The following GALNT17 variants were observed in gnomAD, a reference collection of about 807,000 sequenced individuals.
GALNT17 encodes the protein UDP-GalNAc:polypeptide N-acetylgalactosaminyltransferase-like 3.
A neutral mutation model predicts 63.7 loss-of-function variants in GALNT17; 29 were observed. The observed-to-expected ratio is 0.46, with a 90% CI of 0.34 to 0.62. GALNT17 has a LOEUF of 0.62. Among genes scored for constraint, GALNT17 ranks in the 20% least tolerant of loss-of-function variants. The pLI, the probability that GALNT17 is intolerant of heterozygous loss-of-function variation, is 0.01. For synonymous variants in GALNT17, 305 were observed against 318.3 expected, an observed-to-expected ratio of 0.96 and a Z score of 0.45; for missense variants, 603 against 799.6, an observed-to-expected ratio of 0.75 and a Z score of 2.97.
intron 1 of GALNT17, among the ~76,000 whole-genome samples, chr7:71,271,274 C>T (rs1284446541): frequency 1.3e-5 from 2 of 152,196 alleles, no homozygotes; most frequent in Admixed American, 6.5e-5. Flanking sequence ...TCCTGTCACG[C>T]GCCTTCCAGT....
chr7:71,199,480 C>T (rs1253539181), intron 1 of GALNT17, among the ~76,000 whole-genome samples: 4 of 152,094 alleles, frequency 2.6e-5, no homozygotes, highest in Non-Finnish European at 5.9e-5. Flanking sequence ...CTCTGTCCCA[C>T]TCATCCATCC....
At chr7:71,584,014 C>T (rs1789678483) in intron 6 of GALNT17, among the ~76,000 whole-genome samples, 1 of 151,990 alleles carries the variant, frequency 6.6e-6, no homozygotes, top group East Asian at 1.9e-4. Context: ...CGCCTATAAT[C>T]CCAGCTGCTC....
intron 1 of GALNT17, among the ~76,000 whole-genome samples, chr7:71,134,492 C>T (rs1296546727): frequency 6.6e-6 from 1 of 152,010 alleles, no homozygotes; most frequent in Non-Finnish European, 1.5e-5. Context: ...GAGGGGTGGT[C>T]AGATCTCTGA....
intron 2 of GALNT17, among the ~76,000 whole-genome samples, chr7:71,352,613 TGA>T (rs1792209641): frequency 6.6e-6 from 1 of 152,042 alleles, no homozygotes. Context: ...ATCTGGAGCT[TGA>T]GAGAGAGATA....
intron 8 of GALNT17, among the ~76,000 whole-genome samples, chr7:71,674,071 G>A (rs1321608418): frequency 6.6e-6 from 1 of 152,086 alleles, no homozygotes; most frequent in Non-Finnish European, 1.5e-5. Flanking sequence ...CTGATTATTT[G>A]GAAGAGAGAA....
At chr7:71,147,175 A>T (rs1677028632) in intron 1 of GALNT17, among the ~76,000 whole-genome samples, 1 of 152,096 alleles carries the variant, frequency 6.6e-6, no homozygotes, top group Admixed American at 6.6e-5. Flanking sequence ...CCCTCATTGT[A>T]TTTAGTCAGG....
At chr7:71,667,531 A>G (rs1424106229) in intron 7 of GALNT17, among the ~76,000 whole-genome samples, 1 of 152,224 alleles carries the variant, frequency 6.6e-6, no homozygotes, top group East Asian at 1.9e-4. Flanking sequence ...ATTAAAATTT[A>G]TCTGATAGGA....
At chr7:71,293,356 A>G (rs1482276161) in intron 1 of GALNT17, among the ~76,000 whole-genome samples, 1 of 152,088 alleles carries the variant, frequency 6.6e-6, no homozygotes, top group Admixed American at 6.6e-5. Context: ...CCAAATCCTT[A>G]CCAACCCTTA....
chr7:71,148,174 G>T (rs1788060058), intron 1 of GALNT17, among the ~76,000 whole-genome samples: 1 of 152,150 alleles, frequency 6.6e-6, no homozygotes, highest in Non-Finnish European at 1.5e-5. Context: ...TAATTTGTCA[G>T]CAAGTAATTT....
chr7:71,502,842 T>C (rs1788202413), intron 5 of GALNT17, among the ~76,000 whole-genome samples: 1 of 152,194 alleles, frequency 6.6e-6, no homozygotes, highest in Non-Finnish European at 1.5e-5. Context: ...CAATAATGTG[T>C]TCCACAGCAT....
rs202130395 is a variant in GALNT17, at chr7:71,132,940, C to G, written c.138C>G (p.Ala46=). 3 of 1,610,902 alleles carry G rather than the reference C, an allele frequency of 1.9e-6. No homozygotes were observed. Among genetic ancestry groups the G allele is most frequent in the East Asian group, 2.2e-5 (1 of 44,816 alleles). Reference sequence around the variant, plus strand: ...CCTTCCACGAGATCCGGCCGCGCGCCGAGGTGGCCAACCTCAGCGCGCACA... The same window carrying G: ...CCTTCCACGAGATCCGGCCGCGCGCGGAGGTGGCCAACCTCAGCGCGCACA... The part of the protein sequence containing the change: ...GDAFHEIRPR[A]EVANLSAHSA... Residue 46 remains alanine (A), a synonymous_variant, in exon 1 of 11, where the codon GCC becomes GCG. Coordinates refer to ENST00000333538, the MANE Select transcript of GALNT17 (RefSeq NM_022479.3).
At chr7:71,290,939 G>A (rs989772743) in intron 1 of GALNT17, among the ~76,000 whole-genome samples, 2 of 152,216 alleles carry the variant, frequency 1.3e-5, no homozygotes, top group Middle Eastern at 3.4e-3. Context: ...CACCTTCTCC[G>A]AGCCTTGGTT....
intron 9 of GALNT17, among the ~76,000 whole-genome samples, chr7:71,689,650 G>C (rs1791412139): frequency 6.6e-6 from 1 of 152,242 alleles, no homozygotes; most frequent in Non-Finnish European, 1.5e-5. Context: ...AGCAGCAAGT[G>C]CTGATGGAGA....
At chr7:71,206,469 A>G (rs1789274110) in intron 1 of GALNT17, among the ~76,000 whole-genome samples, 1 of 152,100 alleles carries the variant, frequency 6.6e-6, no homozygotes, top group Non-Finnish European at 1.5e-5. Flanking sequence ...TGTGTTCATC[A>G]TTTTGTAAAT....
At chr7:71,193,899 C>G (rs1032043742) in intron 1 of GALNT17, among the ~76,000 whole-genome samples, 3 of 152,150 alleles carry the variant, frequency 2.0e-5, no homozygotes, top group East Asian at 1.9e-4. Flanking sequence ...GTTTTACTCT[C>G]TTTCGGGGCG....
intron 4 of GALNT17, among the ~76,000 whole-genome samples, chr7:71,417,442 A>C (rs1786555955): frequency 6.6e-6 from 1 of 152,096 alleles, no homozygotes; most frequent in African/African-American, 2.4e-5. Context: ...GCATGTCTTC[A>C]GCCCTCATCT....
At chr7:71,583,544 A>C (rs1403449913) in intron 6 of GALNT17, among the ~76,000 whole-genome samples, 3 of 152,188 alleles carry the variant, frequency 2.0e-5, no homozygotes, top group Non-Finnish European at 2.9e-5. Flanking sequence ...CAACGTACTC[A>C]GCCTCAGTGC....
intron 1 of GALNT17, among the ~76,000 whole-genome samples, chr7:71,265,098 T>TTTAATATATATATATATATATATA (rs144493671): frequency 1.3e-5 from 1 of 78,382 alleles, no homozygotes; most frequent in Non-Finnish European, 2.6e-5. Context: ...CCCATAAATA[T>TTTAATATATATATATATATATATA]TATATATATA....
At chr7:71,543,993 A>G (rs910923186) in intron 5 of GALNT17, among the ~76,000 whole-genome samples, 1 of 151,710 alleles carries the variant, frequency 6.6e-6, no homozygotes, top group Non-Finnish European at 1.5e-5. Flanking sequence ...GAGTTTCACC[A>G]TGTTGGCCAG....
Sources: gnomAD v4.1 joint callset for allele counts (sites outside exome capture counted in the v4.1 genomes callset) on GRCh38, gnomAD v4.1.1 for gene constraint, MANE v1.5 for transcripts, NCBI Gene and HGNC (gene_info 2026-07-23, HGNC 2026-07-21) for gene names.